Variants in CCDC171 observed in about 807,000 individuals in gnomAD.
CCDC171 encodes coiled-coil domain-containing protein 171.
CCDC171 carries 177 observed loss-of-function variants against 168.2 expected under a neutral mutation model. That is an observed-to-expected ratio of 1.05 (90% CI 0.93 to 1.19). The LOEUF (loss-of-function observed/expected upper bound fraction) is 1.19. Ranked by LOEUF, CCDC171 falls within the 50% of genes most tolerant of loss-of-function variation. The pLI, the probability that CCDC171 is intolerant of heterozygous loss-of-function variation, is 0.00. For synonymous variants in CCDC171, 687 were observed against 540.8 expected, an observed-to-expected ratio of 1.27 and a Z score of -3.75; for missense variants, 1,991 against 1,539.0, an observed-to-expected ratio of 1.29 and a Z score of -4.91.
In CCDC171 at chr9:15,833,621, T is replaced by C. The variant is rs571720213; in HGVS notation, c.3268-13081T>C. ...TTGTATTTGCTTTAGTGGTTTGTTT[T>C]ATTATTAACTACAGTGAGGATTCTT... On this transcript the variant is annotated intron_variant, in intron 21 of 25. Coordinates refer to ENST00000380701, the MANE Select transcript of CCDC171 (RefSeq NM_173550.4). 7.2e-5 allele frequency among the ~76,000 whole-genome samples: 11 copies of C among 152,338 alleles called. No individual in the cohort carries two copies. In the East Asian group the frequency reaches 2.1e-3, roughly 29 times the overall value.
chr9:15,980,800 C>T (rs1056143041), intron 3 of CCDC171, among the ~76,000 whole-genome samples: 4 of 151,566 alleles, frequency 2.6e-5, no homozygotes. Context: ...TTGTGTCCCC[C>T]CAACCCTGCC....
chr9:16,060,049 C>T (rs1335634013), intron 1 of CCDC171, among the ~76,000 whole-genome samples: 1 of 152,198 alleles, frequency 6.6e-6, no homozygotes, highest in Non-Finnish European at 1.5e-5. Flanking sequence ...TGCCCAACCT[C>T]CCTTCCTTAA....
At chr9:15,995,186 A>G (rs944928901) in intron 3 of CCDC171, among the ~76,000 whole-genome samples, 1 of 152,214 alleles carries the variant, frequency 6.6e-6, no homozygotes, top group African/African-American at 2.4e-5. Flanking sequence ...CCCTAGGCAC[A>G]TGGTTGAATT....
At chr9:15,693,159 C>CA (rs1166458249) in intron 10 of CCDC171, among the ~76,000 whole-genome samples, 3 of 151,686 alleles carry the variant, frequency 2.0e-5, no homozygotes, top group Admixed American at 6.6e-5. Context: ...AACAAAACAC[C>CA]AAAAAAACAG....
intron 6 of CCDC171, among the ~76,000 whole-genome samples, chr9:15,600,472 T>A (rs2042752936): frequency 6.6e-6 from 1 of 152,202 alleles, no homozygotes; most frequent in African/African-American, 2.4e-5. Flanking sequence ...ACAGCCAATG[T>A]TGCTGCCTGA....
upstream of CCDC171, chr9:15,553,034 C>G (rs1462959139): frequency 6.5e-6 from 1 of 152,714 alleles, no homozygotes; most frequent in East Asian, 1.9e-4. Context: ...CTGAGTTGGG[C>G]TGACCTGTGA....
At chr9:16,088,564 T>C in the CCDC171 span, among the ~76,000 whole-genome samples, 1 of 152,168 alleles carries the variant, frequency 6.6e-6, no homozygotes, top group Non-Finnish European at 1.5e-5. Context: ...CAAGCATTCT[T>C]ATACACCAAT....
In CCDC171 at chr9:15,563,963, T is replaced by A. The variant is rs1231930982; in HGVS notation, c.-111-15T>A. 1.4e-6 allele frequency: 1 copy of A among 692,668 alleles called. No homozygotes were observed. The highest frequency in any genetic ancestry group is 2.9e-5 in the Admixed American group (1 of 34,398). The allele number at this position is 692,668 out of a possible 1,614,324, so 42.9% of individuals were successfully genotyped here. Reference sequence around the variant, plus strand: ...AGGACTCAAACTGCTATTGTATCATTTACTATTTTAACAGACCTCAAATCA... The same window carrying A: ...AGGACTCAAACTGCTATTGTATCATATACTATTTTAACAGACCTCAAATCA... On this transcript the variant is annotated splice_polypyrimidine_tract_variant and intron_variant, in intron 1 of 25. Coordinates refer to ENST00000380701, the MANE Select transcript of CCDC171 (RefSeq NM_173550.4).
At chr9:15,957,929 C>T (rs950243392) in intron 25 of CCDC171, among the ~76,000 whole-genome samples, 7 of 151,822 alleles carry the variant, frequency 4.6e-5, no homozygotes, top group East Asian at 1.9e-4. Flanking sequence ...TAGAAAGGAA[C>T]GGTAAGTTCC....
intron 12 of CCDC171, among the ~76,000 whole-genome samples, chr9:15,722,920 G>A (rs965617444): frequency 5.9e-5 from 9 of 152,154 alleles, no homozygotes; most frequent in African/African-American, 1.9e-4. Context: ...CTGAGGCCTA[G>A]GTCTGGAAGC....
chr9:15,876,128 T>C (rs1238663455), intron 24 of CCDC171: 3 of 151,980 alleles, frequency 2.0e-5, no homozygotes, highest in Non-Finnish European at 4.4e-5. Context: ...AAAATGCCCT[T>C]TTTGGGGGTT....
chr9:16,085,700 C>T, the CCDC171 span, among the ~76,000 whole-genome samples: 1 of 152,214 alleles, frequency 6.6e-6, no homozygotes, highest in African/African-American at 2.4e-5. Flanking sequence ...GCCAAATTAT[C>T]AGCCCACAAA....
At chr9:16,088,321 G>C in the CCDC171 span, among the ~76,000 whole-genome samples, 1 of 152,182 alleles carries the variant, frequency 6.6e-6, no homozygotes, top group Non-Finnish European at 1.5e-5. Flanking sequence ...ACAAGACAAG[G>C]ATGCCCTCTC....
chr9:15,843,195 T>C (rs1265024189), intron 21 of CCDC171, among the ~76,000 whole-genome samples: 1 of 151,988 alleles, frequency 6.6e-6, no homozygotes. Context: ...TAAAAAGAAA[T>C]GCAATAAAGA....
intron 6 of CCDC171, among the ~76,000 whole-genome samples, chr9:16,031,865 G>T (rs2133041694): frequency 6.6e-6 from 1 of 152,336 alleles, no homozygotes; most frequent in East Asian, 1.9e-4. Context: ...GGCTCTGTGG[G>T]ATGTGGCAGC....
intron 7 of CCDC171, among the ~76,000 whole-genome samples, chr9:15,641,239 C>T (rs1219705435): frequency 1.3e-5 from 2 of 152,146 alleles, no homozygotes; most frequent in Non-Finnish European, 2.9e-5. Flanking sequence ...AGGAAACTAA[C>T]ATACAACACA....
intron 11 of CCDC171, among the ~76,000 whole-genome samples, chr9:15,701,065 C>T (rs536208527): frequency 1.2e-4 from 19 of 152,152 alleles, no homozygotes; most frequent in Non-Finnish European, 2.2e-4. Context: ...ATGTCCTTTG[C>T]GTGCTTTTTA....
chr9:15,949,273 T>A (rs980179229), intron 25 of CCDC171, among the ~76,000 whole-genome samples: 1 of 150,084 alleles, frequency 6.7e-6, no homozygotes, highest in Admixed American at 6.6e-5. Flanking sequence ...TCCAGCTTTG[T>A]TTTTTTGGCT....
intron 10 of CCDC171, among the ~76,000 whole-genome samples, chr9:15,679,262 T>C (rs921271107): frequency 6.6e-6 from 1 of 152,204 alleles, no homozygotes; most frequent in South Asian, 2.1e-4. Context: ...GTAATTGTTT[T>C]GTACCTGATC....
Sources: gnomAD v4.1 joint callset for allele counts (sites outside exome capture counted in the v4.1 genomes callset) on GRCh38, gnomAD v4.1.1 for gene constraint, MANE v1.5 for transcripts, NCBI Gene and HGNC (gene_info 2026-07-23, HGNC 2026-07-21) for gene names.